The following ST7 variants were observed in gnomAD, a reference collection of about 807,000 sequenced individuals.
ST7 encodes suppressor of tumorigenicity 7 protein.
In ST7, 28 loss-of-function variants were observed where a neutral mutation model predicts 78.7. The ratio of observed to expected loss-of-function variants is 0.36; its 90% CI spans 0.26 to 0.49. The LOEUF (loss-of-function observed/expected upper bound fraction) is 0.49. ST7 is among the 20% of genes least tolerant of loss of function. ST7 has a pLI of 0.99. For synonymous variants in ST7, 247 were observed against 249.6 expected (o/e 0.99, Z 0.10); for missense variants, 418 against 696.0 (o/e 0.60, Z 4.49).
At chr7:117,015,623 T>A (rs1411111345) in intron 1 of ST7, among the ~76,000 whole-genome samples, 2 of 152,156 alleles carry the variant, frequency 1.3e-5, no homozygotes, top group African/African-American at 4.8e-5. Context: ...AGAAATAAGG[T>A]TAGATTAACC....
intron 12 of ST7, among the ~76,000 whole-genome samples, chr7:117,193,389 C>T (rs1305835254): frequency 6.6e-6 from 1 of 152,208 alleles, no homozygotes; most frequent in Non-Finnish European, 1.5e-5. Flanking sequence ...AAGCACAGTG[C>T]TAGCTGAAGT....
At chr7:117,200,843 AAG>A (rs1554448124) in intron 12 of ST7, among the ~76,000 whole-genome samples, 1 of 151,326 alleles carries the variant, frequency 6.6e-6, no homozygotes, top group Non-Finnish European at 1.5e-5. Context: ...TTAAAAAAAA[AAG>A]AAAGCTCATC....
At chr7:117,042,150 TTGAG>T (rs1441338829) in intron 1 of ST7, among the ~76,000 whole-genome samples, 2 of 152,214 alleles carry the variant, frequency 1.3e-5, no homozygotes, top group African/African-American at 4.8e-5. Flanking sequence ...TTTGTATTAT[TTGAG>T]TTTTTGCTTT....
intron 1 of ST7, among the ~76,000 whole-genome samples, chr7:116,967,732 C>T (rs1793199607): frequency 6.6e-6 from 1 of 152,194 alleles, no homozygotes; most frequent in Admixed American, 6.5e-5. Flanking sequence ...TTAACCAGTG[C>T]CAGCACTTGC....
At chr7:117,075,847 A>G (rs1020160297) in intron 1 of ST7, among the ~76,000 whole-genome samples, 2 of 152,116 alleles carry the variant, frequency 1.3e-5, no homozygotes, top group African/African-American at 4.8e-5. Context: ...ATAGAAATTG[A>G]CCCTTCTGGC....
intron 1 of ST7, chr7:117,020,222 T>TA (rs1460467205): frequency 4.3e-6 from 1 of 230,706 alleles, no homozygotes; most frequent in Non-Finnish European, 8.5e-6. Flanking sequence ...GCTATTGTCT[T>TA]ACTGCTACAG....
At chr7:117,008,222 A>C (rs1795236693) in intron 1 of ST7, among the ~76,000 whole-genome samples, 1 of 152,166 alleles carries the variant, frequency 6.6e-6, no homozygotes, top group South Asian at 2.1e-4. Flanking sequence ...AGCTAGAAAA[A>C]AACCTCAGAA....
rs572311303 is a variant in ST7, at chr7:117,129,617, G to A, written c.395-176G>A. On this transcript the variant is annotated intron_variant, in intron 3 of 15. Coordinates refer to ENST00000323984, the MANE Select transcript of ST7 (RefSeq NM_001369598.1). ...TTAGGCAAAACTTTCCAAAGTCCCG[G>A]AGCCTGAGCCACATTTTGTGATTAA... Among the ~76,000 whole-genome samples, 9 of 151,934 alleles carry A rather than the reference G, an allele frequency of 5.9e-5. No individual in the cohort carries two copies. In the East Asian group the frequency reaches 1.6e-3, roughly 26 times the overall value.
At chr7:117,067,455 C>A (rs1287888947) in intron 1 of ST7, among the ~76,000 whole-genome samples, 2 of 151,936 alleles carry the variant, frequency 1.3e-5, no homozygotes, top group Non-Finnish European at 2.9e-5. Context: ...GTTCTGAGTA[C>A]AAGGAAAAGT....
intron 1 of ST7, among the ~76,000 whole-genome samples, chr7:116,979,130 G>A (rs1585081119): frequency 6.6e-6 from 1 of 152,136 alleles, no homozygotes; most frequent in South Asian, 2.1e-4. Context: ...TTGGGAGCCT[G>A]GAGAAAACGC....
chr7:117,125,412 A>G (rs915653406), intron 3 of ST7, among the ~76,000 whole-genome samples: 4 of 152,056 alleles, frequency 2.6e-5, no homozygotes. Context: ...ATTTACTTAT[A>G]TCTTTTGTTA....
At chr7:116,981,084 C>T (rs1245543344) in intron 1 of ST7, among the ~76,000 whole-genome samples, 1 of 151,922 alleles carries the variant, frequency 6.6e-6, no homozygotes, top group Non-Finnish European at 1.5e-5. Context: ...TTGTAGAATA[C>T]CATTCAATTT....
chr7:116,953,718 C>T (rs756345421), intron 1 of ST7, 27 bp downstream of exon 1: 4 of 1,406,650 alleles, frequency 2.8e-6, no homozygotes, highest in East Asian at 3.2e-5. Context: ...GGGCCCGCGG[C>T]GCCCACCCCT....
chr7:117,198,395 C>A, intron 12 of ST7: 1 of 448,556 alleles, frequency 2.2e-6, no homozygotes, highest in South Asian at 1.6e-5. Flanking sequence ...TGAAGAAGGA[C>A]AACCAGAGAG....
At chr7:116,970,500 T>A (rs1793361874) in intron 1 of ST7, among the ~76,000 whole-genome samples, 1 of 152,216 alleles carries the variant, frequency 6.6e-6, no homozygotes, top group South Asian at 2.1e-4. Flanking sequence ...GATGGCCTTC[T>A]CCTTGTGTCC....
chr7:116,980,044 C>T (rs551022286), intron 1 of ST7, among the ~76,000 whole-genome samples: 3 of 132,352 alleles, frequency 2.3e-5, no homozygotes, highest in African/African-American at 8.3e-5. Context: ...CTGCAACCTC[C>T]GGCTCCTGGA....
chr7:116,967,174 C>A (rs1793161612), intron 1 of ST7: 1 of 253,624 alleles, frequency 3.9e-6, no homozygotes, highest in African/African-American at 2.3e-5. Flanking sequence ...CTGGGTTTCT[C>A]AAGCAATGTT....
At chr7:116,953,765 CCGCGGCCAGGCGCGCGCTCGGGGA>C (rs981494313) in intron 1 of ST7, 74 bp downstream of exon 1, 12 of 1,130,658 alleles carry the variant, frequency 1.1e-5, no homozygotes, top group South Asian at 6.0e-5. Flanking sequence ...TCGCGCGGGG[CCGCGGCCAGGCGCGCGCTCGGGGA>C]CGCGCCGGGG....
At chr7:117,150,895 C>T (rs1162448102) in intron 9 of ST7, among the ~76,000 whole-genome samples, 3 of 152,230 alleles carry the variant, frequency 2.0e-5, no homozygotes, top group African/African-American at 4.8e-5. Flanking sequence ...AGTCACATTA[C>T]ATCTACTTAG....
Sources: allele counts gnomAD v4.1 joint callset (sites outside exome capture counted in the v4.1 genomes callset), GRCh38; gene constraint gnomAD v4.1.1; transcripts MANE v1.5; gene names NCBI Gene and HGNC (gene_info 2026-07-23, HGNC 2026-07-21).